The following POFUT3 variants were observed in gnomAD, a reference collection of about 807,000 sequenced individuals.
The protein encoded by POFUT3 is protein O-fucosyltransferase 3.
the POFUT3 span, among the ~76,000 whole-genome samples, chr8:33,413,982 G>A: frequency 7.3e-4 from 111 of 152,162 alleles, no homozygotes; most frequent in African/African-American, 2.5e-3. Flanking sequence ...AAAATAGGAA[G>A]GCCTTAGAAG....
chr8:33,313,406 T>G, the POFUT3 span, among the ~76,000 whole-genome samples: 1 of 152,174 alleles, frequency 6.6e-6, no homozygotes, highest in Admixed American at 6.6e-5. Context: ...TGAGGCAGCT[T>G]CTTTTCCGAT....
the POFUT3 span, among the ~76,000 whole-genome samples, chr8:33,438,459 G>A: frequency 6.6e-6 from 1 of 152,128 alleles, no homozygotes. Context: ...CATGCCTGTA[G>A]TCCCAGGCAT....
the POFUT3 span, among the ~76,000 whole-genome samples, chr8:33,433,058 ACTC>A: frequency 6.6e-6 from 1 of 151,624 alleles, no homozygotes; most frequent in Non-Finnish European, 1.5e-5. Flanking sequence ...CCATGGCAAA[ACTC>A]CATCTCTACC....
At chr8:33,349,141 C>T in the POFUT3 span, among the ~76,000 whole-genome samples, 6 of 152,132 alleles carry the variant, frequency 3.9e-5, no homozygotes, top group African/African-American at 1.2e-4. Flanking sequence ...GGGTCTTACC[C>T]GTTGTATTGG....
At chr8:33,374,323 T>C in the POFUT3 span, among the ~76,000 whole-genome samples, 1 of 152,222 alleles carries the variant, frequency 6.6e-6, no homozygotes, top group Non-Finnish European at 1.5e-5. Context: ...TGTGGTATTA[T>C]TCCCCATAAT....
chr8:33,405,751 A>G, the POFUT3 span, among the ~76,000 whole-genome samples: 1 of 152,200 alleles, frequency 6.6e-6, no homozygotes, highest in Non-Finnish European at 1.5e-5. Flanking sequence ...TTAAATTATA[A>G]CTGCCAAATA....
the POFUT3 span, among the ~76,000 whole-genome samples, chr8:33,409,205 C>A: frequency 6.6e-6 from 1 of 152,184 alleles, no homozygotes; most frequent in African/African-American, 2.4e-5. Flanking sequence ...CGGATTCAAG[C>A]AATTCTCCTG....
the POFUT3 span, among the ~76,000 whole-genome samples, chr8:33,471,207 A>T: frequency 6.6e-6 from 1 of 152,060 alleles, no homozygotes; most frequent in African/African-American, 2.4e-5. Context: ...AACTCTTTAC[A>T]TTCCGAGGTT....
the POFUT3 span, among the ~76,000 whole-genome samples, chr8:33,315,028 G>A: frequency 6.6e-6 from 1 of 152,236 alleles, no homozygotes. Flanking sequence ...CTTGTTTCAT[G>A]AGAACGTTTG....
At chr8:33,315,152 C>T in the POFUT3 span, among the ~76,000 whole-genome samples, 13,653 of 152,190 alleles carry the variant, frequency 0.09, 1,145 homozygotes, top group African/African-American at 0.21. Context: ...ACAGCTAACA[C>T]AGAAGTGAGC....
At chr8:33,473,145 AC>A in the POFUT3 span, 3 of 152,258 alleles carry the variant, frequency 2.0e-5, 1 homozygote, top group Non-Finnish European at 4.4e-5. Flanking sequence ...CGCCGGGAAG[AC>A]CCGAAGAGCC....
At chr8:33,400,974 GT>G in the POFUT3 span, among the ~76,000 whole-genome samples, 7 of 151,778 alleles carry the variant, frequency 4.6e-5, no homozygotes, top group African/African-American at 1.7e-4. Flanking sequence ...TTTTTGTTCT[GT>G]TTTTTTGTTT....
At chr8:33,393,220 T>G in the POFUT3 span, among the ~76,000 whole-genome samples, 1 of 152,182 alleles carries the variant, frequency 6.6e-6, no homozygotes, top group Non-Finnish European at 1.5e-5. Flanking sequence ...GGTATATCCA[T>G]AAAAATGTGA....
chr8:33,389,540 G>A, the POFUT3 span: 3 of 1,614,180 alleles, frequency 1.9e-6, no homozygotes, highest in Non-Finnish European at 2.5e-6. Context: ...CACCAGCGGA[G>A]CAAGTCTTTT....
the POFUT3 span, among the ~76,000 whole-genome samples, chr8:33,427,901 C>T: frequency 6.6e-6 from 1 of 152,012 alleles, no homozygotes; most frequent in South Asian, 2.1e-4. Flanking sequence ...CTGAGGTAGG[C>T]GGATCACAAG....
chr8:33,364,360 A>C, the POFUT3 span, among the ~76,000 whole-genome samples: 1 of 152,236 alleles, frequency 6.6e-6, no homozygotes, highest in African/African-American at 2.4e-5. Flanking sequence ...GAAAATGGGC[A>C]CAAGACAAGG....
the POFUT3 span, among the ~76,000 whole-genome samples, chr8:33,466,716 GAGAGC>G: frequency 1.3e-5 from 2 of 152,148 alleles, no homozygotes. Flanking sequence ...CAGACTTGCA[GAGAGC>G]ACTATGAAGG....
chr8:33,394,700 A>T, the POFUT3 span, among the ~76,000 whole-genome samples: 2 of 152,270 alleles, frequency 1.3e-5, no homozygotes, highest in South Asian at 4.1e-4. Context: ...CTCCACCTTA[A>T]TGGGTCAATG....
the POFUT3 span, among the ~76,000 whole-genome samples, chr8:33,415,205 T>C: frequency 6.6e-6 from 1 of 152,082 alleles, no homozygotes; most frequent in Non-Finnish European, 1.5e-5. Flanking sequence ...GAGCTTGGAA[T>C]GAGCCAAGAT....
Sources: allele counts gnomAD v4.1 joint callset (sites outside exome capture counted in the v4.1 genomes callset), GRCh38; gene constraint gnomAD v4.1.1; transcripts MANE v1.5; gene names NCBI Gene and HGNC (gene_info 2026-07-23, HGNC 2026-07-21).